The following INSYN2B variants were observed in gnomAD, a reference collection of about 807,000 sequenced individuals.
The protein encoded by INSYN2B is protein INSYN2B.
In INSYN2B, 16 loss-of-function variants were observed where a neutral mutation model predicts 41.2. The ratio of observed to expected loss-of-function variants is 0.39; its 90% confidence interval spans 0.26 to 0.59. The LOEUF is 0.59. Among genes scored for constraint, INSYN2B ranks in the 20% least tolerant of loss-of-function variants. The probability of loss-of-function intolerance (pLI) is 0.57; values close to 1 mark genes in which losing one functional copy is unlikely to be tolerated. For missense variants in INSYN2B, 608 were observed against 646.4 expected, an observed-to-expected ratio of 0.94 and a Z score of 0.64; for synonymous variants, 245 against 244.4, an observed-to-expected ratio of 1.00 and a Z score of -0.02.
chr5:169,941,923 C>A (rs139591502), intron 1 of INSYN2B, among the ~76,000 whole-genome samples: 101 of 152,322 alleles, frequency 6.6e-4, no homozygotes, highest in African/African-American at 2.3e-3. Context: ...TGTCAAGTCC[C>A]ATCCTTTCTC....
intron 1 of INSYN2B, among the ~76,000 whole-genome samples, chr5:169,933,751 G>C (rs1442388543): frequency 6.6e-6 from 1 of 152,094 alleles, no homozygotes; most frequent in African/African-American, 2.4e-5. Flanking sequence ...AGACTTCCAG[G>C]CAGCTGCCAA....
Position 169,883,082 on chromosome 5 carries a change from C to T in INSYN2B, c.817G>A (p.Glu273Lys), listed in dbSNP as rs1772757219. The T allele has an allele frequency of 1.9e-6, 3 of 1,551,552 alleles. No individual in the cohort carries two copies. The highest frequency in any genetic ancestry group is 2.6e-6 in the Non-Finnish European group (3 of 1,146,938). The change falls in exon 2 of 4, where the codon GAA (glutamate) becomes AAA (lysine). Residue 273 changes from glutamate to lysine, a missense_variant. Physicochemically the swap from Glu to Lys is moderately conservative, Grantham distance 56. Coordinates refer to ENST00000377365, the MANE Select transcript of INSYN2B (RefSeq NM_001129891.3). ...GGCAAAAGCAATTCAGGTTTAAGTT[C>T]CTCTGTGCCTGGTGTGTGGCTGGCA... ...SVASHTPGTE[E>K]LKPELLLPKD...
intron 1 of INSYN2B, among the ~76,000 whole-genome samples, chr5:169,936,899 TTAA>T (rs1412176276): frequency 6.6e-6 from 1 of 152,220 alleles, no homozygotes; most frequent in Non-Finnish European, 1.5e-5. Context: ...AGCCAGACAC[TTAA>T]TAATTCAAAC....
At chr5:169,912,640 T>A (rs1312615557) in intron 1 of INSYN2B, among the ~76,000 whole-genome samples, 1 of 151,764 alleles carries the variant, frequency 6.6e-6, no homozygotes, top group African/African-American at 2.4e-5. Flanking sequence ...TGTGTGTGTG[T>A]GAGATGCAGG....
chr5:169,908,619 ATGACC>A (rs1435293781), intron 1 of INSYN2B, among the ~76,000 whole-genome samples: 1 of 152,098 alleles, frequency 6.6e-6, no homozygotes, highest in Non-Finnish European at 1.5e-5. Context: ...ATATGGAATC[ATGACC>A]AATGTTGCAA....
intron 3 of INSYN2B, among the ~76,000 whole-genome samples, chr5:169,879,338 C>T (rs1400868910): frequency 2.0e-5 from 3 of 152,164 alleles, no homozygotes; most frequent in East Asian, 1.9e-4. Context: ...CAGAACACAA[C>T]GCAAGTTTGA....
intron 1 of INSYN2B, among the ~76,000 whole-genome samples, chr5:169,926,261 C>T (rs546504363): frequency 2.1e-4 from 32 of 152,342 alleles, no homozygotes; most frequent in African/African-American, 7.0e-4. Flanking sequence ...TCTCACCTGC[C>T]ACCTGCAGAC....
chr5:169,892,028 AAAG>A (rs1274153918), intron 1 of INSYN2B, among the ~76,000 whole-genome samples: 4 of 152,022 alleles, frequency 2.6e-5, no homozygotes, highest in African/African-American at 9.7e-5. Flanking sequence ...AGAAAAAAGA[AAAG>A]AAAAACAACA....
chr5:169,943,804 G>C (rs1776337294), intron 1 of INSYN2B, among the ~76,000 whole-genome samples: 1 of 152,184 alleles, frequency 6.6e-6, no homozygotes, highest in Admixed American at 6.5e-5. Context: ...CTGTGTTTTA[G>C]CCAGCCCCCA....
intron 1 of INSYN2B, among the ~76,000 whole-genome samples, chr5:169,885,234 T>C (rs1380990025): frequency 6.6e-6 from 1 of 152,242 alleles, no homozygotes; most frequent in East Asian, 1.9e-4. Context: ...ATTTATTTAA[T>C]GTGCATCTCC....
At chr5:169,969,746 C>T (rs992374587) in intron 1 of INSYN2B, among the ~76,000 whole-genome samples, 3 of 152,160 alleles carry the variant, frequency 2.0e-5, no homozygotes, top group Admixed American at 1.3e-4. Context: ...TGAGGGGTTT[C>T]CCAGGAAAAG....
chr5:169,865,473 G>A (rs148539187), intron 3 of INSYN2B, among the ~76,000 whole-genome samples: 71 of 152,272 alleles, frequency 4.7e-4, no homozygotes, highest in Non-Finnish European at 8.1e-4. Flanking sequence ...CCAGAGAGCC[G>A]GGGCAGAAAA....
chr5:169,967,718 G>A (rs954579156), intron 1 of INSYN2B, among the ~76,000 whole-genome samples: 3 of 152,204 alleles, frequency 2.0e-5, no homozygotes, highest in African/African-American at 7.2e-5. Context: ...AGCAGGGGGT[G>A]CGTTTAGGAG....
At chr5:169,916,548 T>C (rs568611697) in intron 1 of INSYN2B, among the ~76,000 whole-genome samples, 33 of 152,308 alleles carry the variant, frequency 2.2e-4, no homozygotes, top group African/African-American at 7.0e-4. Flanking sequence ...TTCCTGTGCC[T>C]CCCTTATTTA....
chr5:169,938,564 T>C (rs1776093654), intron 1 of INSYN2B, among the ~76,000 whole-genome samples: 2 of 152,206 alleles, frequency 1.3e-5, no homozygotes, highest in Admixed American at 1.3e-4. Flanking sequence ...TAAAAAATGG[T>C]CCACCTGTAC....
At chr5:169,867,356 TTG>T (rs1771633042) in intron 3 of INSYN2B, among the ~76,000 whole-genome samples, 1 of 152,150 alleles carries the variant, frequency 6.6e-6, no homozygotes, top group South Asian at 2.1e-4. Flanking sequence ...TAACAAAAGA[TTG>T]TAACAAGGGC....
chr5:169,920,912 G>A (rs977238643), intron 1 of INSYN2B, among the ~76,000 whole-genome samples: 3 of 152,152 alleles, frequency 2.0e-5, no homozygotes, highest in Non-Finnish European at 2.9e-5. Context: ...GAGATCAGCA[G>A]CTCTTATTGT....
Position 169,864,440 on chromosome 5 carries a change from G to C in INSYN2B, c.1441C>G (p.Gln481Glu), listed in dbSNP as rs947641024. The change falls in exon 4 of 4, where the codon CAG becomes GAG. Residue 481 changes from glutamine (Q) to glutamate (E), a missense_variant. By Grantham distance (29) the Gln-to-Glu change is conservative. Coordinates refer to ENST00000377365, the MANE Select transcript of INSYN2B (RefSeq NM_001129891.3). ...ACTTCATGGAACCTGCCTTCCTGCTGCCGAAAATCATACTCTACACTGAAA... is the reference window on the plus strand; with the variant it reads ...ACTTCATGGAACCTGCCTTCCTGCTCCCGAAAATCATACTCTACACTGAAA... Reference protein sequence around the residue: ...IIYSVEYDFRQQEGRFHEVLQ... With the variant: ...IIYSVEYDFREQEGRFHEVLQ... 1 of 1,544,976 alleles carries C rather than the reference G, an allele frequency of 6.5e-7. No homozygotes were observed. The highest frequency in any genetic ancestry group is 8.7e-7 in the Non-Finnish European group (1 of 1,143,988).
At chr5:169,978,441 T>A (rs1031737890) in intron 1 of INSYN2B, among the ~76,000 whole-genome samples, 5 of 146,944 alleles carry the variant, frequency 3.4e-5, no homozygotes, top group Non-Finnish European at 4.4e-5. Flanking sequence ...GTTAAATAGA[T>A]ATGTTTAAGT....
Sources: gnomAD v4.1 joint callset for allele counts (sites outside exome capture counted in the v4.1 genomes callset) on GRCh38, gnomAD v4.1.1 for gene constraint, MANE v1.5 for transcripts, NCBI Gene and HGNC (gene_info 2026-07-23, HGNC 2026-07-21) for gene names.